PHC1: variants seen among roughly 807,000 people sequenced by gnomAD.
PHC1 encodes polyhomeotic homolog 1.
Under a neutral mutation model 104.3 loss-of-function variants are expected in PHC1, and 12 were observed. The ratio of observed to expected loss-of-function variants is 0.12; its 90% CI spans 0.07 to 0.19. The LOEUF (loss-of-function observed/expected upper bound fraction) is 0.19. Among genes scored for constraint, PHC1 ranks in the 10% least tolerant of loss-of-function variants. The pLI is 1.00. For synonymous variants in PHC1, 302 were observed against 455.8 expected (o/e 0.66, Z 4.30); for missense variants, 671 against 1,200.0 (o/e 0.56, Z 6.51).
Position 8,921,702 on chromosome 12 carries a change from C to T in PHC1, c.408C>T (p.Asn136=), listed in dbSNP as rs768034278. ...TGACCCAATCTGTGCTACTGGGGAA[C>T]ACCACCTCCCCACCCCTCAACCAGT... ...TTLTQSVLLG[N]TTSPPLNQSQ... Residue 136 remains asparagine (N), a synonymous_variant, in exon 5 of 15, where the codon AAC becomes AAT. Coordinates refer to ENST00000544916, the MANE Select transcript of PHC1 (RefSeq NM_004426.3). The T allele has an allele frequency of 6.2e-7, 1 of 1,612,944 alleles. No homozygotes were observed. Among genetic ancestry groups the T allele is most frequent in the Middle Eastern group, 1.7e-4 (1 of 6,058 alleles).
chr12:8,933,709 C>G (rs764978408), intron 8 of PHC1, 156 bp from the exon 9 acceptor site: 3 of 663,390 alleles, frequency 4.5e-6, no homozygotes, highest in Non-Finnish European at 7.6e-6. Context: ...TGGAAAGTTA[C>G]TAGGAATGAC....
intron 6 of PHC1, among the ~76,000 whole-genome samples, chr12:8,924,534 G>C (rs1945461878): frequency 6.6e-6 from 1 of 152,192 alleles, no homozygotes; most frequent in African/African-American, 2.4e-5. Context: ...ACATGAGTTT[G>C]GAAAAGAATT....
At chr12:8,929,657 A>G (rs934356799) in intron 6 of PHC1, among the ~76,000 whole-genome samples, 6 of 151,478 alleles carry the variant, frequency 4.0e-5, no homozygotes, top group African/African-American at 1.5e-4. Context: ...CCTCCTGAGT[A>G]GCTGGGACTA....
chr12:8,919,981 C>A lies in PHC1; in HGVS notation c.225+115C>A. 6.9e-7 allele frequency: 1 copy of A among 1,453,936 alleles called. No homozygotes were observed. Among genetic ancestry groups the A allele is most frequent in the East Asian group, 2.5e-5 (1 of 39,954 alleles). The allele number at this position is 1,453,936 out of a possible 1,614,324, so 90.1% of individuals were successfully genotyped here. On this transcript the variant is annotated intron_variant, in intron 3 of 14. Transcript: ENST00000544916. The surrounding 1 kb of genome is among the most constrained non-coding windows in gnomAD (Gnocchi z 4.9). ...ACTAAGCCAGGCTGCAGACAGCCTC[C>A]TCCGCCTCCTGTCCTTCTGTGGGAG...
chr12:8,930,790 T>G lies in PHC1; in HGVS notation c.968T>G (p.Val323Gly). Residue 323 changes from valine to glycine, a missense_variant, in exon 7 of 15, where the codon GTG becomes GGG. By Grantham distance (109) the Val-to-Gly change is moderately radical. Around this residue, in one of 9 missense-constraint regions of PHC1, gnomAD observed 78 missense variants for 140.8 expected, o/e 0.55. Coordinates refer to ENST00000544916, the MANE Select transcript of PHC1 (RefSeq NM_004426.3). ...TTGCCTGCAGCCCAAACAGTGACTG[T>G]GAGCCAGGGCAGCCAGACAGAGGCA... ...QPLPAAQTVT[V>G]SQGSQTEAES... 6.7e-7 allele frequency: 1 copy of G among 1,493,588 alleles called. No homozygotes were observed. The highest frequency in any genetic ancestry group is 9.2e-7 in the Non-Finnish European group (1 of 1,091,682). The allele number at this position is 1,493,588 out of a possible 1,614,324, so 92.5% of individuals were successfully genotyped here.
chr12:8,927,906 TTTC>T (rs1945571764), intron 6 of PHC1, among the ~76,000 whole-genome samples: 2 of 112,994 alleles, frequency 1.8e-5, no homozygotes, highest in East Asian at 2.5e-4. Context: ...TCTTTCTTTC[TTTC>T]TTTCTTTTTT....
chr12:8,936,691 T>G (rs905295567), intron 11 of PHC1, among the ~76,000 whole-genome samples, 165 bp from the exon 12 acceptor site: 2 of 152,078 alleles, frequency 1.3e-5, no homozygotes, highest in African/African-American at 4.8e-5. Flanking sequence ...CAAGTCTTCG[T>G]GATTTTAGGT....
chr12:8,937,349 A>G, intron 13 of PHC1, 23 bp downstream of exon 13: 1 of 1,581,774 alleles, frequency 6.3e-7, no homozygotes, highest in Non-Finnish European at 8.6e-7. Context: ...TTGTAGAGCC[A>G]GATGCCTTTA....
intron 2 of PHC1, among the ~76,000 whole-genome samples, chr12:8,918,826 G>A (rs1287892839): frequency 1.3e-5 from 2 of 152,158 alleles, no homozygotes; most frequent in African/African-American, 4.8e-5. Context: ...ACAGGAACGC[G>A]TTTTGAGAAA....
intron 1 of PHC1, among the ~76,000 whole-genome samples, 156 bp from the exon 2 acceptor site, chr12:8,917,474 T>C (rs1048843276): frequency 6.6e-6 from 1 of 152,156 alleles, no homozygotes; most frequent in African/African-American, 2.4e-5. Context: ...CAAGAGTGTA[T>C]TGAAGATTTG....
chr12:8,919,412 A>G lies in PHC1; in HGVS notation c.115-344A>G, dbSNP rs1232880490. Reference sequence around the variant, plus strand: ...TCAAGACCAGCCTGGGTAACATAGCAAGACCCCATCTCTAAAAATAAAAAA... The same window carrying G: ...TCAAGACCAGCCTGGGTAACATAGCGAGACCCCATCTCTAAAAATAAAAAA... On this transcript the variant is annotated intron_variant, in intron 2 of 14. Transcript: ENST00000544916. This position sits in a 1 kb window ranked among gnomAD's most constrained non-coding sequence, Gnocchi z 4.9. 6.6e-6 allele frequency among the ~76,000 whole-genome samples: 1 copy of G among 152,118 alleles called. No individual in the cohort carries two copies. The highest frequency in any genetic ancestry group is 1.9e-4 in the East Asian group (1 of 5,184).
intron 3 of PHC1, 118 bp from the exon 4 acceptor site, chr12:8,920,867 A>G (rs780019713): frequency 1.5e-6 from 1 of 658,830 alleles, no homozygotes; most frequent in African/African-American, 1.8e-5. Context: ...CTAAAGTGGA[A>G]TCTCCCTGTT....
In PHC1 at chr12:8,936,932, T is replaced by C; in HGVS notation, c.2445T>C (p.Ser815=). 4.3e-6 allele frequency: 7 copies of C among 1,612,300 alleles called. No individual in the cohort carries two copies. The highest frequency in any genetic ancestry group is 1.1e-5 in the South Asian group (1 of 90,934). Residue 815 remains serine, a synonymous_variant, in exon 12 of 15, where the codon TCT becomes TCC. Coordinates refer to ENST00000544916, the MANE Select transcript of PHC1 (RefSeq NM_004426.3). ...CCCCCGCAGAGCAGTTTCGTGGCTC[T>C]AAGAGGTTCTGCTCCATGACTTGCG... The part of the protein sequence containing the change: ...KYAPAEQFRG[S]KRFCSMTCAK...
chr12:8,935,932 T>C (rs969308412), intron 11 of PHC1, among the ~76,000 whole-genome samples: 1 of 152,064 alleles, frequency 6.6e-6, no homozygotes, highest in Non-Finnish European at 1.5e-5. Context: ...GGCTAATTTT[T>C]GTATTTTTAG....
At chr12:8,925,204 T>A (rs1945482705) in intron 6 of PHC1, among the ~76,000 whole-genome samples, 1 of 152,106 alleles carries the variant, frequency 6.6e-6, no homozygotes, top group Admixed American at 6.5e-5. Flanking sequence ...GTAAAATAGG[T>A]ATTGTAATAT....
At chr12:8,923,579 A>G (rs1289465156) in intron 6 of PHC1, among the ~76,000 whole-genome samples, 1 of 152,194 alleles carries the variant, frequency 6.6e-6, no homozygotes, top group Non-Finnish European at 1.5e-5. Flanking sequence ...CTGTAATCCC[A>G]GCACTTTGGG....
At chr12:8,933,408 A>G in intron 8 of PHC1, 58 bp downstream of exon 8, 1 of 1,468,164 alleles carries the variant, frequency 6.8e-7, no homozygotes, top group Non-Finnish European at 9.1e-7. Flanking sequence ...GACCTGGGCT[A>G]AGTGGAAATA....
chr12:8,927,048 G>A (rs867109978), intron 6 of PHC1, among the ~76,000 whole-genome samples: 1 of 152,174 alleles, frequency 6.6e-6, no homozygotes, highest in African/African-American at 2.4e-5. Context: ...TGACAGAGGC[G>A]AATGGGAAAG....
At chr12:8,939,176 C>A in intron 14 of PHC1, 129 bp from the exon 15 acceptor site, 1 of 1,144,184 alleles carries the variant, frequency 8.7e-7, no homozygotes, top group South Asian at 1.4e-5. Context: ...TTAAAGCTTG[C>A]CATCTGACTT....
Sources: gnomAD v4.1 joint callset for allele counts (sites outside exome capture counted in the v4.1 genomes callset) on GRCh38, gnomAD v4.1.1 for gene constraint, gnomAD v4.1.1 regional missense constraint, Gnocchi (gnomAD v3.1) non-coding constraint, MANE v1.5 for transcripts, NCBI Gene and HGNC (gene_info 2026-07-23, HGNC 2026-07-21) for gene names.